The following APP variants were observed in gnomAD, a reference collection of about 807,000 sequenced individuals.
The protein encoded by APP is amyloid-beta precursor protein.
A neutral mutation model predicts 101.4 loss-of-function variants in APP; 31 were observed. The observed-to-expected ratio is 0.31, with a 90% CI of 0.23 to 0.41. APP has a LOEUF of 0.41. Among genes scored for constraint, APP ranks in the 10% least tolerant of loss-of-function variants. The pLI is 1.00. For synonymous variants in APP, 366 were observed against 364.4 expected, an observed-to-expected ratio of 1.00 and a Z score of -0.05; for missense variants, 839 against 1,003.7, an observed-to-expected ratio of 0.84 and a Z score of 2.22.
At chr21:25,914,667 C>T (rs1009188122) in intron 13 of APP, among the ~76,000 whole-genome samples, 4 of 151,362 alleles carry the variant, frequency 2.6e-5, no homozygotes, top group Non-Finnish European at 5.9e-5. Context: ...CATTCTCCTG[C>T]CTCAGCCTCC....
At chr21:26,098,512 C>G (rs965894568) in intron 2 of APP, among the ~76,000 whole-genome samples, 2 of 152,080 alleles carry the variant, frequency 1.3e-5, no homozygotes, top group Non-Finnish European at 2.9e-5. Flanking sequence ...TCTCTATTCC[C>G]AACATTAAGG....
intron 3 of APP, among the ~76,000 whole-genome samples, chr21:26,057,248 AG>A (rs1418170991): frequency 1.3e-5 from 2 of 152,216 alleles, no homozygotes; most frequent in African/African-American, 4.8e-5. Flanking sequence ...TCAGGTAAAA[AG>A]AGTTCTTAAC....
intron 16 of APP, among the ~76,000 whole-genome samples, chr21:25,895,387 A>G (rs2037969812): frequency 6.6e-6 from 1 of 152,018 alleles, no homozygotes; most frequent in Admixed American, 6.6e-5. Flanking sequence ...GATGCTCTCG[A>G]CCTCCTGACC....
intron 3 of APP, among the ~76,000 whole-genome samples, chr21:26,065,725 C>G (rs1393874493): frequency 6.6e-6 from 1 of 152,214 alleles, no homozygotes; most frequent in Non-Finnish European, 1.5e-5. Flanking sequence ...ACAGCTTCCT[C>G]ATTAACCAAC....
At chr21:26,142,471 A>C (rs563962449) in intron 1 of APP, among the ~76,000 whole-genome samples, 14 of 152,334 alleles carry the variant, frequency 9.2e-5, no homozygotes, top group African/African-American at 2.6e-4. Context: ...ATTCAAAATT[A>C]AGACAGTGTC....
intron 1 of APP, among the ~76,000 whole-genome samples, chr21:26,113,851 CTGAAA>C (rs1162962131): frequency 6.6e-6 from 1 of 152,154 alleles, no homozygotes; most frequent in Non-Finnish European, 1.5e-5. Flanking sequence ...GTCAATCTTA[CTGAAA>C]TAAGTAGTAT....
intron 2 of APP, among the ~76,000 whole-genome samples, chr21:26,105,616 GA>G (rs2062165623): frequency 6.6e-6 from 1 of 151,894 alleles, no homozygotes; most frequent in African/African-American, 2.4e-5. Context: ...AATTATAAAA[GA>G]AAAACACCAG....
intron 2 of APP, among the ~76,000 whole-genome samples, chr21:26,101,915 G>A (rs776291076): frequency 3.0e-4 from 45 of 151,960 alleles, no homozygotes; most frequent in Middle Eastern, 3.4e-3. Flanking sequence ...ATGGTATCCC[G>A]CCACTCAGCA....
intron 5 of APP, among the ~76,000 whole-genome samples, chr21:26,037,095 ATGT>A (rs1279967634): frequency 6.6e-6 from 1 of 152,220 alleles, no homozygotes; most frequent in Non-Finnish European, 1.5e-5. Flanking sequence ...TGGAGGACAT[ATGT>A]TAAGTGAAAT....
In APP at chr21:25,975,823, AGAACAGCT is replaced by A; in HGVS notation, c.1299+123_1299+130del. On this transcript the variant is annotated intron_variant, in intron 10 of 17. Coordinates refer to ENST00000346798, the MANE Select transcript of APP (RefSeq NM_000484.4). Reference sequence around the variant, plus strand: ...CAACTCAATTACTAGACAATGATTAAGAACAGCTGAAGTTCATGGGACTATGAACAATC... The same window carrying A: ...CAACTCAATTACTAGACAATGATTAAGAAGTTCATGGGACTATGAACAATC... 6.6e-6 allele frequency: 5 copies of A among 753,154 alleles called. 1 individual carries two copies. The allele number at this position is 753,154 out of a possible 1,614,324, so 46.7% of individuals were successfully genotyped here. A position where few individuals can be genotyped will look rare whatever the true frequency, so the allele number is the denominator to read the frequency against.
At chr21:26,012,912 G>A (rs1261197308) in intron 6 of APP, among the ~76,000 whole-genome samples, 1 of 152,106 alleles carries the variant, frequency 6.6e-6, no homozygotes, top group Admixed American at 6.6e-5. Context: ...CCTGGGAGAC[G>A]GAGGTTGCAG....
chr21:26,062,773 AT>A (rs971313547), intron 3 of APP, among the ~76,000 whole-genome samples: 1 of 151,850 alleles, frequency 6.6e-6, no homozygotes, highest in African/African-American at 2.4e-5. Context: ...TTTATTTTTT[AT>A]TTTTTTAAGA....
At chr21:26,042,272 C>CAGT (rs2045407251) in intron 5 of APP, among the ~76,000 whole-genome samples, 2 of 152,094 alleles carry the variant, frequency 1.3e-5, no homozygotes, top group Non-Finnish European at 2.9e-5. Flanking sequence ...TCTCTCTCAC[C>CAGT]TAATTTTAAA....
intron 3 of APP, among the ~76,000 whole-genome samples, chr21:26,058,392 T>G (rs1356919078): frequency 6.6e-6 from 1 of 152,092 alleles, no homozygotes. Context: ...ATTGTCACCC[T>G]GAACAAAAAA....
At chr21:26,074,620 G>T (rs868180643) in intron 3 of APP, among the ~76,000 whole-genome samples, 2 of 152,088 alleles carry the variant, frequency 1.3e-5, no homozygotes, top group African/African-American at 4.8e-5. Context: ...GCATGATGGC[G>T]TGTGCCTGTA....
chr21:26,026,548 T>C (rs955854458), intron 5 of APP, among the ~76,000 whole-genome samples: 1 of 152,226 alleles, frequency 6.6e-6, no homozygotes, highest in Non-Finnish European at 1.5e-5. Context: ...GAGTGAAAGA[T>C]TTTGATTCAC....
At chr21:25,953,573 A>G (rs1270254796) in intron 13 of APP, among the ~76,000 whole-genome samples, 3 of 152,166 alleles carry the variant, frequency 2.0e-5, no homozygotes, top group Non-Finnish European at 4.4e-5. Context: ...CTTTATGGGG[A>G]AGGATATGCC....
chr21:26,090,258 G>A (rs1442597055), intron 2 of APP, among the ~76,000 whole-genome samples, 186 bp from the exon 3 acceptor site: 1 of 152,158 alleles, frequency 6.6e-6, no homozygotes, highest in Non-Finnish European at 1.5e-5. Flanking sequence ...ATACTTACTG[G>A]TTGAGCATCT....
At chr21:25,928,143 C>G (rs927899498) in intron 13 of APP, among the ~76,000 whole-genome samples, 2 of 152,040 alleles carry the variant, frequency 1.3e-5, no homozygotes, top group Non-Finnish European at 2.9e-5. Context: ...AGGAGATCGA[C>G]ACCATCCTGG....
Sources: gnomAD v4.1 joint callset for allele counts (sites outside exome capture counted in the v4.1 genomes callset) on GRCh38, gnomAD v4.1.1 for gene constraint, MANE v1.5 for transcripts, NCBI Gene and HGNC (gene_info 2026-07-23, HGNC 2026-07-21) for gene names.